Variants in GET3 observed in about 807,000 individuals in gnomAD.
The protein encoded by GET3 is ATPase GET3.
A neutral mutation model predicts 32.4 loss-of-function variants in GET3; 15 were observed. The observed-to-expected ratio is 0.46, with a 90% CI of 0.31 to 0.71. The LOEUF (loss-of-function observed/expected upper bound fraction) is 0.71. Among genes scored for constraint, GET3 ranks in the 30% least tolerant of loss-of-function variants. The probability of loss-of-function intolerance (pLI) is 0.05; values close to 1 mark genes in which losing one functional copy is unlikely to be tolerated. For missense variants in GET3, 333 were observed against 459.0 expected (o/e 0.73, Z 2.51); for synonymous variants, 198 against 185.6 (o/e 1.07, Z -0.54).
chr19:12,738,366 T>A (rs1967610258), intron 1 of GET3, 145 bp from the exon 2 acceptor site: 2 of 984,238 alleles, frequency 2.0e-6, no homozygotes, highest in Non-Finnish European at 3.0e-6. Flanking sequence ...GGACTGAGGC[T>A]CAATCCCACC....
At chr19:12,743,644 G>T (rs1967711814) in intron 2 of GET3, among the ~76,000 whole-genome samples, 1 of 147,686 alleles carries the variant, frequency 6.8e-6, no homozygotes, top group Non-Finnish European at 1.5e-5. Context: ...CAAAAAATTA[G>T]CCAGGTGTGG....
intron 2 of GET3, among the ~76,000 whole-genome samples, chr19:12,739,944 G>C (rs983348144): frequency 6.6e-6 from 1 of 151,966 alleles, no homozygotes; most frequent in Non-Finnish European, 1.5e-5. Context: ...TACTCAGAAG[G>C]CTAAGGTAGG....
At chr19:12,737,746 A>G (rs1018617167) in intron 1 of GET3, 80 bp downstream of exon 1, 17 of 1,493,076 alleles carry the variant, frequency 1.1e-5, no homozygotes, top group Non-Finnish European at 1.5e-5. Flanking sequence ...CGGCTTTTCC[A>G]CCACGACCGG....
At position 12,745,634 on chromosome 19, in the gene GET3, G is replaced by A. The variant is rs1427971879; in HGVS notation, c.484G>A (p.Val162Met). The change falls in exon 4 of 7, where the codon GTG (valine) becomes ATG (methionine). Residue 162 changes from valine to methionine, a missense_variant. Coordinates refer to ENST00000357332, the MANE Select transcript of GET3 (RefSeq NM_004317.4). The surrounding 1 kb of genome is among the most constrained non-coding windows in gnomAD (Gnocchi z 5.0). The part of the protein sequence containing the change: ...MRLVKGMNFS[V>M]VVFDTAPTGH... ...GCTGGTGAAGGGCATGAACTTCTCG[G>A]TGGTGGTATTTGACACGGCACCCAC... 1 of 1,612,742 alleles carries A rather than the reference G, an allele frequency of 6.2e-7. No individual in the cohort carries two copies. The highest frequency in any genetic ancestry group is 1.1e-5 in the South Asian group (1 of 91,076).
chr19:12,742,294 T>C (rs1967686055), intron 2 of GET3, among the ~76,000 whole-genome samples: 1 of 150,836 alleles, frequency 6.6e-6, no homozygotes. Context: ...TGCAGTGGTG[T>C]GATCTCAGCT....
chr19:12,744,612 G>A (rs949908213), intron 2 of GET3, among the ~76,000 whole-genome samples: 1 of 152,134 alleles, frequency 6.6e-6, no homozygotes, highest in African/African-American at 2.4e-5. Flanking sequence ...GAGGTACCGC[G>A]CCTGGCTGGA....
At position 12,747,531 on chromosome 19, in the gene GET3, C is replaced by T. The variant is rs143301791; in HGVS notation, c.854C>T (p.Pro285Leu). 44 of 1,613,958 alleles carry T rather than the reference C, an allele frequency of 2.7e-5. No homozygotes were observed. Among genetic ancestry groups the T allele is most frequent in the Non-Finnish European group, 3.5e-5 (41 of 1,180,026 alleles). The stretch of plus-strand genomic sequence containing the variant: ...GTCAACCAGCTCGTCTTCCCCGACC[C>T]CGAGAAGCCCTGCAAGATGTGTGAG... ...IIVNQLVFPD[P>L]EKPCKMCEAR... is the part of the protein sequence containing the mutation. The change falls in exon 6 of 7, where the codon CCC becomes CTC. Residue 285 changes from proline to leucine, a missense_variant. This residue lies in a region of GET3 where 230 missense variants were observed against 389.2 expected (regional missense o/e 0.59). Transcript: ENST00000357332. The surrounding 1 kb of genome is among the most constrained non-coding windows in gnomAD (Gnocchi z 4.0).
chr19:12,737,525 G>A lies in GET3; in HGVS notation c.20G>A (p.Gly7Glu). 7 of 1,570,830 alleles carry A rather than the reference G, an allele frequency of 4.5e-6. No individual in the cohort carries two copies. The highest frequency in any genetic ancestry group is 5.2e-6 in the Non-Finnish European group (6 of 1,160,106). MAAGVA[G>E]WGVEAEEFED... ...TCCAAAATGGCGGCAGGGGTGGCCG[G>A]GTGGGGGGTTGAGGCAGAGGAGTTC... The change falls in exon 1 of 7, where the codon GGG becomes GAG. Residue 7 changes from glycine (G) to glutamate (E), a missense_variant. Physicochemically the swap from Gly to Glu is moderately conservative, Grantham distance 98. Around this residue, in one of 3 missense-constraint regions of GET3, gnomAD observed 64 missense variants for 36.7 expected, o/e 1.74. Transcript: ENST00000357332.
intron 2 of GET3, among the ~76,000 whole-genome samples, chr19:12,740,559 C>A (rs57296560): frequency 0.02 from 3,106 of 151,864 alleles, 97 homozygotes; most frequent in African/African-American, 0.07. Flanking sequence ...CACCTGTAGT[C>A]CCAGCTACTC....
In GET3 at chr19:12,745,672, G is replaced by A; in HGVS notation, c.522G>A (p.Leu174=). 1 of 1,613,030 alleles carries A rather than the reference G, an allele frequency of 6.2e-7. No individual in the cohort carries two copies. The highest frequency in any genetic ancestry group is 8.5e-7 in the Non-Finnish European group (1 of 1,179,968). The part of the protein sequence containing the change: ...VFDTAPTGHT[L]RLLNFPTIVE... ...ACACGGCACCCACGGGCCACACCCT[G>A]AGGCTGCTCAACTTCCCCACCATCG... Residue 174 remains leucine, a synonymous_variant, in exon 4 of 7, where the codon CTG becomes CTA. Transcript: ENST00000357332. This position sits in a 1 kb window ranked among gnomAD's most constrained non-coding sequence, Gnocchi z 5.0.
Position 12,747,373 on chromosome 19 carries a change from T to C in GET3, c.718-22T>C, listed in dbSNP as rs1224445936. ...GACAGGGGCAGACCCCGCCCCTCAC[T>C]GTCCTCTCTCGTGCCCTGTAGGAGC... On this transcript the variant is annotated intron_variant, in intron 5 of 6. Coordinates refer to ENST00000357332, the MANE Select transcript of GET3 (RefSeq NM_004317.4). The surrounding 1 kb of genome is among the most constrained non-coding windows in gnomAD (Gnocchi z 4.0). 2 of 1,613,482 alleles carry C rather than the reference T, an allele frequency of 1.2e-6. No homozygotes were observed. Among genetic ancestry groups the C allele is most frequent in the East Asian group, 2.2e-5 (1 of 44,872 alleles).
chr19:12,746,881 G>A (rs1045982143), intron 4 of GET3, among the ~76,000 whole-genome samples: 18 of 152,006 alleles, frequency 1.2e-4, no homozygotes, highest in Non-Finnish European at 1.8e-4. Flanking sequence ...ATGGTGGTGC[G>A]CGCCTGTAAT....
At position 12,738,616 on chromosome 19, in the gene GET3, G is replaced by A. The variant is rs1412496534; in HGVS notation, c.267G>A (p.Lys89=). ...ISDAFDQKFS[K]VPTKVKGYDN... ...ATGCTTTTGACCAGAAGTTCTCAAA[G>A]GTGCCTACCAAGGTCAAAGGCTATG... The change falls in exon 2 of 7, where the codon AAG becomes AAA. Residue 89 remains lysine, a synonymous_variant. Transcript: ENST00000357332. 1.2e-6 allele frequency: 2 copies of A among 1,614,072 alleles called. No individual in the cohort carries two copies. Among genetic ancestry groups the A allele is most frequent in the Admixed American group, 3.3e-5 (2 of 59,996 alleles).
In GET3 at chr19:12,745,856, T is replaced by G; in HGVS notation, c.609+97T>G. 1.4e-6 allele frequency: 2 copies of G among 1,427,534 alleles called. No individual in the cohort carries two copies. Among genetic ancestry groups the G allele is most frequent in the Non-Finnish European group, 1.9e-6 (2 of 1,069,554 alleles). The allele number at this position is 1,427,534 out of a possible 1,614,324, so 88.4% of individuals were successfully genotyped here. A position where few individuals can be genotyped will look rare whatever the true frequency, so the allele number is the denominator to read the frequency against. ...CTCAAATGCGCACTAACAATTCCCTTTCCTTCCCACCCCTTCTCACTCTGG... is the reference window on the plus strand; with the variant it reads ...CTCAAATGCGCACTAACAATTCCCTGTCCTTCCCACCCCTTCTCACTCTGG... On this transcript the variant is annotated intron_variant, in intron 4 of 6. Transcript: ENST00000357332. The surrounding 1 kb of genome is among the most constrained non-coding windows in gnomAD (Gnocchi z 5.0).
rs919626272 is a variant in GET3 at position 12,738,514 on chromosome 19, C to T, written c.165C>T (p.Cys55=). The change falls in exon 2 of 7, where the codon TGC becomes TGT. Residue 55 remains cysteine, a synonymous_variant. Transcript: ENST00000357332. ...TTTTGACTTTTCCATTACTCAGCTG[C>T]AGCCTGGCAGTCCAGCTCTCCAAGG... ...KGGVGKTTCS[C]SLAVQLSKGR... 2 of 1,614,058 alleles carry T rather than the reference C, an allele frequency of 1.2e-6. No homozygotes were observed. The highest frequency in any genetic ancestry group is 1.7e-6 in the Non-Finnish European group (2 of 1,180,008).
chr19:12,743,460 T>C (rs7258491), intron 2 of GET3, among the ~76,000 whole-genome samples: 5,399 of 144,860 alleles, frequency 0.037, 324 homozygotes, highest in African/African-American at 0.13. Context: ...ACAACAAGAG[T>C]GAAACTCCAT....
At position 12,745,558 on chromosome 19, in the gene GET3, T is replaced by TGGGGAA; in HGVS notation, c.458+41_459-38dup. 1 of 1,612,284 alleles carries TGGGGAA rather than the reference T, an allele frequency of 6.2e-7. No homozygotes were observed. The highest frequency in any genetic ancestry group is 8.5e-7 in the Non-Finnish European group (1 of 1,179,924). ...CCAGCCAGCAGGGGTGGGGGCTGCCTGGGGAAGGGGAAGAGCGGACACAGA... is the reference window on the plus strand; with the variant it reads ...CCAGCCAGCAGGGGTGGGGGCTGCCTGGGGAAGGGGAAGGGGAAGAGCGGACACAGA... On this transcript the variant is annotated intron_variant, in intron 3 of 6. Coordinates refer to ENST00000357332, the MANE Select transcript of GET3 (RefSeq NM_004317.4). This position sits in a 1 kb window ranked among gnomAD's most constrained non-coding sequence, Gnocchi z 5.0.
chr19:12,739,841 T>C (rs1967633308), intron 2 of GET3, among the ~76,000 whole-genome samples: 2 of 151,724 alleles, frequency 1.3e-5, no homozygotes, highest in Non-Finnish European at 2.9e-5. Flanking sequence ...GTCAAGAGTT[T>C]GAGACCAGCC....
In GET3 at chr19:12,747,858, A is replaced by G. The variant is rs8177497; in HGVS notation, c.916-115A>G. On this transcript the variant is annotated intron_variant, in intron 6 of 6. Coordinates refer to ENST00000357332, the MANE Select transcript of GET3 (RefSeq NM_004317.4). This position sits in a 1 kb window ranked among gnomAD's most constrained non-coding sequence, Gnocchi z 4.0. ...TTATGACACCTTAAGCTCCTGCCCT[A>G]TATTCTCTCCCTGACTCTGGAAGCT... 1.6e-3 allele frequency: 1,903 copies of G among 1,186,434 alleles called. 25 individuals are homozygous for G. The African/African-American group carries it at 0.026, about 16-fold the overall frequency. 73.5% of individuals were successfully genotyped at this position (1,186,434 alleles called of 1,614,324 possible). A position where few individuals can be genotyped will look rare whatever the true frequency, so the allele number is the denominator to read the frequency against.
Sources: allele counts gnomAD v4.1 joint callset (sites outside exome capture counted in the v4.1 genomes callset), GRCh38; gene constraint gnomAD v4.1.1; regional missense constraint gnomAD v4.1.1; non-coding constraint Gnocchi (gnomAD v3.1); transcripts MANE v1.5; gene names NCBI Gene and HGNC (gene_info 2026-07-23, HGNC 2026-07-21).